CUX2: variants seen among roughly 807,000 people sequenced by gnomAD.
CUX2 encodes the protein cut like homeobox 2.
A neutral mutation model predicts 144.8 loss-of-function variants in CUX2; 40 were observed. The observed-to-expected ratio is 0.28, with a 90% CI of 0.21 to 0.36. The LOEUF is 0.36. CUX2 is among the 10% of genes least tolerant of loss of function. The pLI, the probability that CUX2 is intolerant of heterozygous loss-of-function variation, is 1.00. For synonymous variants in CUX2, 827 were observed against 875.6 expected, an observed-to-expected ratio of 0.94 and a Z score of 0.98; for missense variants, 1,615 against 1,994.0, an observed-to-expected ratio of 0.81 and a Z score of 3.62.
intron 3 of CUX2, among the ~76,000 whole-genome samples, chr12:111,253,651 C>T (rs544896525): frequency 1.3e-5 from 2 of 152,276 alleles, no homozygotes; most frequent in South Asian, 4.1e-4. Context: ...TTGCTTGGTG[C>T]TGAATGCCCA....
chr12:111,226,226 G>C (rs535893558), intron 3 of CUX2, among the ~76,000 whole-genome samples: 1 of 152,318 alleles, frequency 6.6e-6, no homozygotes, highest in South Asian at 2.1e-4. Context: ...TTACAGGCGT[G>C]AGCCATCACA....
At position 111,349,598 on chromosome 12, in the gene CUX2, A is replaced by G. The variant is rs892008221; in HGVS notation, c.*1273A>G. 1.3e-5 allele frequency: 2 copies of G among 152,114 alleles called. No homozygotes were observed. Among genetic ancestry groups the G allele is most frequent in the Admixed American group, 6.6e-5 (1 of 15,262 alleles). 9.4% of individuals were successfully genotyped at this position (152,114 alleles called of 1,614,324 possible). On this transcript the variant is annotated 3_prime_UTR_variant, in exon 22 of 22. Coordinates refer to ENST00000261726, the MANE Select transcript of CUX2 (RefSeq NM_015267.4). ...TCACCATATCCCAGCCTCCAAATCT[A>G]TCCTCCTACCTTCCAACGCATGACC...
At chr12:111,075,120 C>T (rs1402306022) in intron 1 of CUX2, among the ~76,000 whole-genome samples, 1 of 151,026 alleles carries the variant, frequency 6.6e-6, no homozygotes, top group Non-Finnish European at 1.5e-5. Flanking sequence ...GCACCCTGAG[C>T]CCTGCTCACA....
chr12:111,322,727 T>A lies in CUX2; in HGVS notation c.2926+147T>A. 9.4e-7 allele frequency: 1 copy of A among 1,064,950 alleles called. No individual in the cohort carries two copies. Among genetic ancestry groups the A allele is most frequent in the Non-Finnish European group, 1.3e-6 (1 of 744,724 alleles). 66.0% of individuals were successfully genotyped at this position (1,064,950 alleles called of 1,614,324 possible). ...ATCCCAGTCACTGTCATGGCTGCACTGGAACATGGCGGGGGGTCCTGGGGT... is the reference window on the plus strand; with the variant it reads ...ATCCCAGTCACTGTCATGGCTGCACAGGAACATGGCGGGGGGTCCTGGGGT... On this transcript the variant is annotated intron_variant, in intron 18 of 21. Transcript: ENST00000261726. This position sits in a 1 kb window ranked among gnomAD's most constrained non-coding sequence, Gnocchi z 4.2.
intron 1 of CUX2, among the ~76,000 whole-genome samples, chr12:111,158,684 A>T (rs1877550555): frequency 6.6e-6 from 1 of 152,168 alleles, no homozygotes; most frequent in African/African-American, 2.4e-5. Flanking sequence ...AAAACAAAAA[A>T]ATCCTTTAGG....
chr12:111,325,662 G>C (rs1217231858), intron 18 of CUX2, among the ~76,000 whole-genome samples: 2 of 120,500 alleles, frequency 1.7e-5, no homozygotes, highest in Admixed American at 8.3e-5. Flanking sequence ...GTGTTGTGGT[G>C]GGGGAGGGGT....
Position 111,293,603 on chromosome 12 carries a change from G to A in CUX2, c.560+34G>A, listed in dbSNP as rs1885810614. On this transcript the variant is annotated intron_variant, in intron 6 of 21. Transcript: ENST00000261726. The surrounding 1 kb of genome is among the most constrained non-coding windows in gnomAD (Gnocchi z 4.5). ...GGGAAGGTGGGTGGGAGGGAGGAAG[G>A]AATGGGCAGGGCTCCTGCTGCCCCA... The A allele has an allele frequency of 6.4e-7, 1 of 1,551,792 alleles. No homozygotes were observed. The highest frequency in any genetic ancestry group is 1.4e-5 in the African/African-American group (1 of 73,686).
intron 1 of CUX2, among the ~76,000 whole-genome samples, chr12:111,155,975 C>T (rs536296381): frequency 2.6e-5 from 4 of 152,116 alleles, no homozygotes; most frequent in South Asian, 2.1e-4. Context: ...CAAGCAAACC[C>T]GCTCACAAGC....
At chr12:111,090,239 T>C (rs1320463374) in intron 1 of CUX2, among the ~76,000 whole-genome samples, 2 of 152,196 alleles carry the variant, frequency 1.3e-5, no homozygotes, top group Non-Finnish European at 2.9e-5. Context: ...GGTTTCTGTC[T>C]TGGGTTCTGG....
At chr12:111,097,854 C>T (rs1325800197) in intron 1 of CUX2, among the ~76,000 whole-genome samples, 1 of 152,114 alleles carries the variant, frequency 6.6e-6, no homozygotes, top group Non-Finnish European at 1.5e-5. Context: ...GGCTCCAGGG[C>T]GTGTGAGTCG....
intron 1 of CUX2, among the ~76,000 whole-genome samples, chr12:111,136,123 A>G (rs1272899943): frequency 3.3e-5 from 5 of 151,808 alleles, no homozygotes; most frequent in Admixed American, 3.3e-4. Flanking sequence ...CCACATGGGG[A>G]ATAGGCCTAA....
chr12:111,154,490 G>C (rs1004172894), intron 1 of CUX2, among the ~76,000 whole-genome samples: 1 of 152,066 alleles, frequency 6.6e-6, no homozygotes, highest in African/African-American at 2.4e-5. Context: ...CCACCTTTTT[G>C]ATCATCGTAA....
intron 4 of CUX2, among the ~76,000 whole-genome samples, chr12:111,264,840 A>G (rs1366639894): frequency 6.6e-6 from 1 of 152,194 alleles, no homozygotes; most frequent in African/African-American, 2.4e-5. Context: ...AACCAAGGCC[A>G]CATAGTGTAG....
intron 3 of CUX2, among the ~76,000 whole-genome samples, chr12:111,220,743 CAAAAAAAAAAAAAAAAAAA>C (rs549438290): frequency 0.028 from 1,109 of 39,176 alleles, 42 homozygotes; most frequent in African/African-American, 0.11. Flanking sequence ...CTCATCTCTG[CAAAAAAAAAAAAAAAAAAA>C]AAAAAAAAAA....
intron 1 of CUX2, among the ~76,000 whole-genome samples, chr12:111,069,366 G>A (rs552874147): frequency 7.2e-5 from 11 of 152,022 alleles, no homozygotes; most frequent in Admixed American, 6.5e-4. Context: ...TCCCTCTTCC[G>A]TGCTCTTCCC....
intron 1 of CUX2, among the ~76,000 whole-genome samples, chr12:111,126,164 G>A (rs7963780): frequency 0.095 from 14,360 of 150,820 alleles, 2,296 homozygotes; most frequent in African/African-American, 0.33. Context: ...GCTGGAGTGC[G>A]GGGACATAAT....
At chr12:111,239,976 CA>C (rs1001123876) in intron 3 of CUX2, among the ~76,000 whole-genome samples, 1 of 152,170 alleles carries the variant, frequency 6.6e-6, no homozygotes, top group Non-Finnish European at 1.5e-5. Context: ...GTGCAAGAAA[CA>C]AAAATGCGGC....
At chr12:111,245,977 G>C (rs1201987967) in intron 3 of CUX2, among the ~76,000 whole-genome samples, 1 of 152,166 alleles carries the variant, frequency 6.6e-6, no homozygotes, top group East Asian at 1.9e-4. Context: ...CCATCTGAAG[G>C]AGTGGCCTGT....
chr12:111,292,023 A>T (rs760284743), intron 5 of CUX2, among the ~76,000 whole-genome samples: 2 of 152,156 alleles, frequency 1.3e-5, no homozygotes, highest in African/African-American at 2.4e-5. Flanking sequence ...AGGGAGGGGA[A>T]AATGTCTGGC....
Sources: gnomAD v4.1 joint callset for allele counts (sites outside exome capture counted in the v4.1 genomes callset) on GRCh38, gnomAD v4.1.1 for gene constraint, Gnocchi (gnomAD v3.1) non-coding constraint, MANE v1.5 for transcripts, NCBI Gene and HGNC (gene_info 2026-07-23, HGNC 2026-07-21) for gene names.